TRPC4: variants seen among roughly 807,000 people sequenced by gnomAD.
TRPC4 encodes the protein short transient receptor potential channel 4.
A neutral mutation model predicts 99.4 loss-of-function variants in TRPC4; 49 were observed. The ratio of observed to expected loss-of-function variants is 0.49; its 90% CI spans 0.39 to 0.63. The LOEUF (loss-of-function observed/expected upper bound fraction) is 0.63. Ranked by LOEUF, TRPC4 falls within the 20% of genes least tolerant of loss-of-function variation. TRPC4 has a pLI of 0.00. For missense variants in TRPC4, 898 were observed against 1,152.9 expected (o/e 0.78, Z 3.20); for synonymous variants, 454 against 425.9 (o/e 1.07, Z -0.81).
intron 2 of TRPC4, 79 bp downstream of exon 2, chr13:37,782,877 A>T: frequency 7.9e-7 from 1 of 1,269,220 alleles, no homozygotes; most frequent in Non-Finnish European, 1.0e-6. Flanking sequence ...GAAAATCTAA[A>T]AAAAAAAAAA....
intron 1 of TRPC4, among the ~76,000 whole-genome samples, chr13:37,819,759 C>T (rs545471066): frequency 4.6e-5 from 7 of 151,314 alleles, no homozygotes; most frequent in East Asian, 2.0e-4. Context: ...ATCTGTACAA[C>T]GAACCCTCAT....
At chr13:37,648,305 AC>A (rs1210607135) in intron 8 of TRPC4, among the ~76,000 whole-genome samples, 1 of 152,170 alleles carries the variant, frequency 6.6e-6, no homozygotes, top group Admixed American at 6.5e-5. Flanking sequence ...TTTCATATAA[AC>A]AAAAAATGTA....
intron 3 of TRPC4, among the ~76,000 whole-genome samples, chr13:37,704,201 CG>C (rs1566108897): frequency 1.3e-5 from 2 of 151,986 alleles, no homozygotes; most frequent in African/African-American, 4.8e-5. Context: ...CAGTTGCCTA[CG>C]GGGGAATGGG....
chr13:37,861,968 A>T (rs945517629), intron 1 of TRPC4, among the ~76,000 whole-genome samples: 1 of 151,322 alleles, frequency 6.6e-6, no homozygotes, highest in African/African-American at 2.4e-5. Flanking sequence ...GGTTTTTTTT[A>T]AAAAGGAGGA....
Position 37,782,880 on chromosome 13 carries a change from AAAAAAAAG to A in TRPC4, c.378+68_378+75del, listed in dbSNP as rs1956875231. 13 of 1,305,506 alleles carry A rather than the reference AAAAAAAAG, an allele frequency of 1.0e-5. No individual in the cohort carries two copies. In the South Asian group the frequency reaches 2.4e-4, roughly 24 times the overall value. The allele number at this position is 1,305,506 out of a possible 1,614,324, so 80.9% of individuals were successfully genotyped here. On this transcript the variant is annotated intron_variant, in intron 2 of 10. Transcript: ENST00000379705. The stretch of plus-strand genomic sequence containing the variant: ...TTCAGGGCATTTGAAAATCTAAAAA[AAAAAAAAG>A]AAAGAAAAGAAAAAACAAAAAACCT...
At chr13:37,752,071 A>G (rs1372474458) in intron 2 of TRPC4, among the ~76,000 whole-genome samples, 1 of 90,762 alleles carries the variant, frequency 1.1e-5, no homozygotes, top group Non-Finnish European at 2.3e-5. Context: ...GATAAAGCAG[A>G]AAACTATATA....
intron 3 of TRPC4, among the ~76,000 whole-genome samples, chr13:37,702,778 G>T (rs1954143661): frequency 1.3e-5 from 2 of 152,158 alleles, no homozygotes; most frequent in African/African-American, 4.8e-5. Flanking sequence ...ATTTTCGAAG[G>T]TCTGAAAAAG....
intron 6 of TRPC4, among the ~76,000 whole-genome samples, chr13:37,659,097 C>T (rs1952344425): frequency 6.6e-6 from 1 of 152,118 alleles, no homozygotes; most frequent in Non-Finnish European, 1.5e-5. Flanking sequence ...GGAAGTGATA[C>T]AGAGGATGTT....
intron 1 of TRPC4, among the ~76,000 whole-genome samples, chr13:37,815,725 A>G (rs913556158): frequency 2.6e-5 from 4 of 151,950 alleles, no homozygotes; most frequent in African/African-American, 9.7e-5. Context: ...CAAAACTAAC[A>G]AAGATATTCA....
intron 4 of TRPC4, among the ~76,000 whole-genome samples, chr13:37,677,573 CAT>C (rs1252148270): frequency 2.0e-5 from 3 of 152,052 alleles, no homozygotes; most frequent in Non-Finnish European, 4.4e-5. Flanking sequence ...AGGGATATAA[CAT>C]AAAGATAAAA....
chr13:37,828,134 C>T (rs570099329), intron 1 of TRPC4, among the ~76,000 whole-genome samples: 172 of 152,252 alleles, frequency 1.1e-3, no homozygotes, highest in African/African-American at 3.6e-3. Flanking sequence ...CTTCGGCTGG[C>T]GCATGGTGCG....
intron 6 of TRPC4, among the ~76,000 whole-genome samples, chr13:37,661,186 G>A (rs932074225): frequency 6.6e-6 from 1 of 152,142 alleles, no homozygotes; most frequent in African/African-American, 2.4e-5. Context: ...ACAAACGAAA[G>A]TAATACATAA....
At chr13:37,728,991 A>T (rs918621267) in intron 3 of TRPC4, among the ~76,000 whole-genome samples, 1 of 152,148 alleles carries the variant, frequency 6.6e-6, no homozygotes. Context: ...ATAAGAATGA[A>T]GTTGGACCCT....
intron 4 of TRPC4, among the ~76,000 whole-genome samples, chr13:37,687,565 A>G (rs1953527753): frequency 6.6e-6 from 1 of 152,202 alleles, no homozygotes; most frequent in South Asian, 2.1e-4. Flanking sequence ...CATAATTTTG[A>G]TGAATTCTCA....
chr13:37,675,893 A>G (rs1205619988), intron 4 of TRPC4, among the ~76,000 whole-genome samples: 2 of 152,152 alleles, frequency 1.3e-5, no homozygotes, highest in African/African-American at 2.4e-5. Flanking sequence ...CACTGGAGGA[A>G]GGGCCTCTGA....
chr13:37,811,901 G>A lies in TRPC4; in HGVS notation c.-27-28541C>T, dbSNP rs192057131. ...ACCCTGGCCAGGTGTGGTGGCTCAC[G>A]CCTGTAATCCCAACATTTTGGGAGG... On this transcript the variant is annotated intron_variant, in intron 1 of 10. Coordinates refer to ENST00000379705, the MANE Select transcript of TRPC4 (RefSeq NM_016179.4). Among the ~76,000 whole-genome samples the A allele has an allele frequency of 5.4e-3, 828 of 152,032 alleles. 13 individuals are homozygous for A. The highest frequency in any genetic ancestry group is 0.019 in the African/African-American group (777 of 41,500).
chr13:37,794,426 C>T (rs1454763427), intron 1 of TRPC4, among the ~76,000 whole-genome samples: 2 of 152,034 alleles, frequency 1.3e-5, no homozygotes, highest in Non-Finnish European at 2.9e-5. Flanking sequence ...TGCTTCTCAA[C>T]AAAAGGTGAA....
At chr13:37,723,754 T>C (rs2139046517) in intron 3 of TRPC4, among the ~76,000 whole-genome samples, 1 of 152,194 alleles carries the variant, frequency 6.6e-6, no homozygotes, top group South Asian at 2.1e-4. Flanking sequence ...GAGGTCTTGC[T>C]GTGTTGCCCA....
intron 1 of TRPC4, chr13:37,854,885 C>T (rs890044490): frequency 6.6e-6 from 1 of 151,906 alleles, no homozygotes; most frequent in African/African-American, 2.4e-5. Context: ...GAGTAAGTCT[C>T]CCATCCAAGT....
Sources: allele counts gnomAD v4.1 joint callset (sites outside exome capture counted in the v4.1 genomes callset), GRCh38; gene constraint gnomAD v4.1.1; transcripts MANE v1.5; gene names NCBI Gene and HGNC (gene_info 2026-07-23, HGNC 2026-07-21).